BCOR: variants seen among roughly 807,000 people sequenced by gnomAD.
BCOR encodes the protein BCL-6 corepressor.
Under a neutral mutation model 86.7 loss-of-function variants are expected in BCOR, and 10 were observed. The ratio of observed to expected loss-of-function variants is 0.12; its 90% CI spans 0.07 to 0.20. BCOR has a LOEUF of 0.20. Ranked by LOEUF, BCOR falls within the 10% of genes least tolerant of loss-of-function variation. The probability of loss-of-function intolerance (pLI) is 1.00; values close to 1 mark genes in which losing one functional copy is unlikely to be tolerated. For synonymous variants in BCOR, 611 were observed against 609.0 expected (o/e 1.00, Z -0.05); for missense variants, 1,259 against 1,452.1 (o/e 0.87, Z 2.16).
intron 1 of BCOR, among the ~76,000 whole-genome samples, chrX:40,171,379 C>A (rs1938615877): frequency 8.9e-6 from 1 of 112,255 alleles, no homozygotes; most frequent in Non-Finnish European, 1.9e-5. Context: ...TGCAGACAGA[C>A]CCTCTGGCCG....
Position 40,063,944 on chromosome X carries a change from G to T in BCOR, c.3511C>A (p.Pro1171Thr). ...KRRRVSKDDW[P>T]EREMTNSSSN... ...GAACTGTTTGTCATTTCCCTCTCAG[G>T]CCAGTCATCTAATGGAGAAATAACT... The change falls in exon 8 of 15, where the codon CCT (proline) becomes ACT (threonine). Residue 1171 changes from proline (P) to threonine (T), a missense_variant. By Grantham distance (38) the Pro-to-Thr change is conservative (BLOSUM62 -1). Coordinates refer to ENST00000378444, the MANE Select transcript of BCOR (RefSeq NM_001123385.2). 3 of 1,137,834 alleles carry T rather than the reference G, an allele frequency of 2.6e-6. No homozygotes were observed. The highest frequency in any genetic ancestry group is 3.5e-6 in the Non-Finnish European group (3 of 850,379). The allele number at this position is 1,137,834 out of a possible 1,213,427, so 93.8% of individuals were successfully genotyped here.
intron 1 of BCOR, chrX:40,146,415 G>A (rs1024613637): frequency 8.9e-6 from 1 of 111,819 alleles, no homozygotes; most frequent in Non-Finnish European, 1.9e-5. Flanking sequence ...GGAGGAGGGA[G>A]GGCCGAGAGG....
At chrX:40,124,506 G>A (rs1231059201) in intron 1 of BCOR, among the ~76,000 whole-genome samples, 3 of 110,983 alleles carry the variant, frequency 2.7e-5, no homozygotes, top group East Asian at 2.8e-4. Flanking sequence ...CGAGTGATCC[G>A]CCCACATCGG....
chrX:40,164,730 G>A (rs1199025204), intron 1 of BCOR, among the ~76,000 whole-genome samples: 6 of 111,864 alleles, frequency 5.4e-5, no homozygotes, highest in Admixed American at 3.8e-4. Context: ...CTCCTGGAGG[G>A]TGCTCATCTC....
In BCOR at chrX:40,139,486, TA is replaced by T. The variant is rs1937854634; in HGVS notation, c.-41+37520del. Among the ~76,000 whole-genome samples the T allele has an allele frequency of 1.5e-3, 24 of 15,984 alleles. 5 individuals carry two copies. Among genetic ancestry groups the T allele is most frequent in the African/African-American group, 2.4e-3 (5 of 2,081 alleles). 13.9% of individuals were successfully genotyped at this position (15,984 alleles called of 115,157 possible). A position where few individuals can be genotyped will look rare whatever the true frequency, so the allele number is the denominator to read the frequency against. ...ATATATATATATATATATATATATA[TA>T]TATATATATATTTTTTTTTTTTTTT... On this transcript the variant is annotated intron_variant, in intron 1 of 14. Coordinates refer to the BCOR transcript ENST00000342274.
At chrX:40,086,637 T>G in intron 1 of BCOR, among the ~76,000 whole-genome samples, 1 of 113,905 alleles carries the variant, frequency 8.8e-6, no homozygotes, top group Non-Finnish European at 1.9e-5. Flanking sequence ...CTGCAGCTCG[T>G]CCATGGGCCT....
chrX:40,080,989 G>GCACACACA (rs113541819), intron 1 of BCOR, among the ~76,000 whole-genome samples: 1 of 107,078 alleles, frequency 9.3e-6, no homozygotes, highest in African/African-American at 3.4e-5. Context: ...ACACACACGC[G>GCACACACA]CACACACACA....
chrX:40,156,372 G>A (rs1938294475), intron 1 of BCOR, among the ~76,000 whole-genome samples: 1 of 111,728 alleles, frequency 9.0e-6, no homozygotes, highest in Non-Finnish European at 1.9e-5. Context: ...GGTTTTTTCG[G>A]GGCGGGGGTA....
chrX:40,094,943 C>CA (rs1355646021), intron 1 of BCOR, among the ~76,000 whole-genome samples: 1 of 112,517 alleles, frequency 8.9e-6, no homozygotes, highest in Non-Finnish European at 1.9e-5. Flanking sequence ...AATTAACTCT[C>CA]AGTCACCTAC....
chrX:40,155,742 C>T (rs1481391682), intron 1 of BCOR, among the ~76,000 whole-genome samples: 1 of 112,882 alleles, frequency 8.9e-6, no homozygotes, highest in Non-Finnish European at 1.9e-5. Flanking sequence ...AGCAACCAGT[C>T]CAACCTGCCA....
rs2147011014 is a variant in BCOR, at chrX:40,062,301, C to T, written c.4266G>A (p.Leu1422=). The part of the protein sequence containing the change: ...AKQEPKPFDR[L]QQLLPASQST... ...ACTGGGAGGCTGGTAGCAGTTGCTG[C>T]AAGCGGTCGAAGGGCTTTGGCTCCT... is the stretch of plus-strand genomic sequence containing the variant. Residue 1422 remains leucine (L), a synonymous_variant, in exon 10 of 15, where the codon TTG becomes TTA. Coordinates refer to ENST00000378444, the MANE Select transcript of BCOR (RefSeq NM_001123385.2). 2 of 1,209,968 alleles carry T rather than the reference C, an allele frequency of 1.7e-6. No individual in the cohort carries two copies. Among genetic ancestry groups the T allele is most frequent in the Non-Finnish European group, 2.2e-6 (2 of 894,795 alleles).
At chrX:40,153,462 T>G (rs906397251) in intron 1 of BCOR, among the ~76,000 whole-genome samples, 6 of 111,970 alleles carry the variant, frequency 5.4e-5, no homozygotes, top group African/African-American at 1.9e-4. Flanking sequence ...GGCATGTGGA[T>G]GAGCAAAAGC....
intron 6 of BCOR, among the ~76,000 whole-genome samples, chrX:40,068,900 C>T (rs191122230): frequency 7.1e-5 from 8 of 113,256 alleles, no homozygotes; most frequent in African/African-American, 9.6e-5. Context: ...CAGCTGAGGC[C>T]GCACAGGCGG....
intron 1 of BCOR, among the ~76,000 whole-genome samples, chrX:40,089,048 C>A (rs1290345008): frequency 9.0e-6 from 1 of 111,709 alleles, no homozygotes; most frequent in Non-Finnish European, 1.9e-5. Context: ...ACCTAGAATA[C>A]CCTCGTAGGG....
At chrX:40,096,847 C>A (rs376335049) in intron 1 of BCOR, among the ~76,000 whole-genome samples, 17 of 110,289 alleles carry the variant, frequency 1.5e-4, no homozygotes, top group Admixed American at 5.7e-4. Flanking sequence ...ACCTCCCCCC[C>A]CTCCGCCCGA....
chrX:40,114,840 T>A (rs1232467778), intron 1 of BCOR, among the ~76,000 whole-genome samples: 2 of 107,048 alleles, frequency 1.9e-5, no homozygotes, highest in Admixed American at 1.1e-4. Context: ...GCTTAGGTAT[T>A]ACCATTCACT....
intron 1 of BCOR, among the ~76,000 whole-genome samples, chrX:40,167,685 C>G (rs1403098011): frequency 8.9e-6 from 1 of 112,014 alleles, no homozygotes; most frequent in African/African-American, 3.2e-5. Flanking sequence ...CGCGCACGGA[C>G]ACCCTCGGAT....
chrX:40,091,165 A>G (rs1936593393), intron 1 of BCOR, among the ~76,000 whole-genome samples: 1 of 111,412 alleles, frequency 9.0e-6, no homozygotes, highest in Non-Finnish European at 1.9e-5. Context: ...CAATAAATTT[A>G]GTTTAATTTA....
chrX:40,156,787 C>T (rs1383020691), intron 1 of BCOR, among the ~76,000 whole-genome samples: 3 of 113,598 alleles, frequency 2.6e-5, no homozygotes, highest in African/African-American at 9.6e-5. Context: ...CAGCCTGGTA[C>T]GCTCACGCCT....
Sources: allele counts gnomAD v4.1 joint callset (sites outside exome capture counted in the v4.1 genomes callset), GRCh38; gene constraint gnomAD v4.1.1; transcripts MANE v1.5; gene names NCBI Gene and HGNC (gene_info 2026-07-23, HGNC 2026-07-21).